The following TTLL4 variants were observed in gnomAD, a reference collection of about 807,000 sequenced individuals.
TTLL4 encodes the protein tubulin tyrosine ligase like 4.
TTLL4 carries 85 observed loss-of-function variants against 122.7 expected under a neutral mutation model. The ratio of observed to expected loss-of-function variants is 0.69; its 90% CI spans 0.58 to 0.83. TTLL4 has a LOEUF of 0.83. Ranked by LOEUF, TTLL4 falls within the 40% of genes least tolerant of loss-of-function variation. TTLL4 has a pLI of 0.00. For missense variants in TTLL4, 1,363 were observed against 1,488.6 expected (o/e 0.92, Z 1.39); for synonymous variants, 553 against 563.0 (o/e 0.98, Z 0.25).
rs1037384894 is a variant in TTLL4, at chr2:218,716,650, G to A, written c.-178+5613G>A. Among the ~76,000 whole-genome samples the A allele has an allele frequency of 3.3e-5, 5 of 152,160 alleles. No individual in the cohort carries two copies. In the South Asian group the frequency reaches 6.2e-4, roughly 19 times the overall value. ...TAAAAATACAAAAAATTAGCCGGGC[G>A]TGGTAGTAAGTGCCTGTAGTCCCAG... On this transcript the variant is annotated intron_variant, in intron 1 of 19. Transcript: ENST00000392102.
chr2:218,741,408 A>G lies in TTLL4; in HGVS notation c.1661+824A>G, dbSNP rs79979853. Among the ~76,000 whole-genome samples the G allele has an allele frequency of 1.1e-3, 165 of 152,232 alleles. 1 individual carries two copies. The East Asian group carries it at 0.016, about 14-fold the overall frequency. ...AGTCGGGTTGTTTTTCTTTGCATCAACCCTGCCTTAGATGAAGCTAAGAAG... is the reference window on the plus strand; with the variant it reads ...AGTCGGGTTGTTTTTCTTTGCATCAGCCCTGCCTTAGATGAAGCTAAGAAG... On this transcript the variant is annotated intron_variant, in intron 5 of 19. Transcript: ENST00000392102.
chr2:218,737,835 G>A lies in TTLL4; in HGVS notation c.159G>A (p.Trp53Ter). Residue 53 changes from tryptophan (W) to a stop codon, truncating the protein, a stop_gained, in exon 3 of 20, where the codon TGG becomes TGA. Coordinates refer to ENST00000392102, the MANE Select transcript of TTLL4 (RefSeq NM_014640.5). LOFTEE classifies it high-confidence loss of function. ...CCCATCAGCAAGTGAAGCCAATCTG[G>A]AAGCTGGAAAAGAAGCAAGTGGAGA... ...PQAHQQVKPI[W>*]KLEKKQVETL... is the part of the protein sequence containing the mutation. The A allele has an allele frequency of 1.9e-6, 3 of 1,614,256 alleles. No homozygotes were observed. Among genetic ancestry groups the A allele is most frequent in the Non-Finnish European group, 2.5e-6 (3 of 1,180,056 alleles).
At position 218,752,778 on chromosome 2, in the gene TTLL4, G is replaced by A; in HGVS notation, c.2992G>A (p.Val998Met). 1 of 1,614,186 alleles carries A rather than the reference G, an allele frequency of 6.2e-7. No individual in the cohort carries two copies. The highest frequency in any genetic ancestry group is 2.2e-5 in the East Asian group (1 of 44,878). Residue 998 changes from valine (V) to methionine (M), a missense_variant, in exon 17 of 20, where the codon GTG becomes ATG. Physicochemically the swap from Val to Met is conservative, Grantham distance 21. This residue lies in a region of TTLL4 where 596 missense variants were observed against 655.8 expected (regional missense o/e 0.91). Transcript: ENST00000392102. ...TGGACCACAGGACTTCTATGCATCTGTGCTGGATGTCCTGACACCAGATGA... is the reference window on the plus strand; with the variant it reads ...TGGACCACAGGACTTCTATGCATCTATGCTGGATGTCCTGACACCAGATGA... ...KIPDQDFYASVLDVLTPDDVR... is the reference protein window; with the variant it reads ...KIPDQDFYASMLDVLTPDDVR...
chr2:218,737,431 T>C (rs1304043413), intron 2 of TTLL4, 148 bp from the exon 3 acceptor site: 3 of 442,358 alleles, frequency 6.8e-6, no homozygotes, highest in Non-Finnish European at 1.2e-5. Context: ...GGAAATCTGG[T>C]GTTCTTCTCC....
At chr2:218,753,724 CT>C (rs769310914) in intron 19 of TTLL4, 55 bp downstream of exon 19, 91 of 1,572,962 alleles carry the variant, frequency 5.8e-5, no homozygotes, top group Non-Finnish European at 7.5e-5. Context: ...GTAGAGTTTT[CT>C]TCCTTCCCCT....
intron 2 of TTLL4, among the ~76,000 whole-genome samples, chr2:218,730,513 A>C (rs1367087113): frequency 6.6e-6 from 1 of 151,508 alleles, no homozygotes; most frequent in East Asian, 1.9e-4. Flanking sequence ...GTCTCAAAGT[A>C]AATAAATAAA....
rs1303739811 is a variant in TTLL4 at position 218,738,697 on chromosome 2, A to G, written c.1021A>G (p.Arg341Gly). ...GGAGATTCGGTTCACTGAGGCCGTG[A>G]GGAAATTGACCGCAAGAGGCTTTGA... ...TKEIRFTEAVRKLTARGFEKM... is the reference protein window; with the variant it reads ...TKEIRFTEAVGKLTARGFEKM... The change falls in exon 3 of 20, where the codon AGG becomes GGG. Residue 341 changes from arginine (R) to glycine (G), a missense_variant. Physicochemically the swap from Arg to Gly is moderately radical, Grantham distance 125. Coordinates refer to ENST00000392102, the MANE Select transcript of TTLL4 (RefSeq NM_014640.5). 1 of 1,614,206 alleles carries G rather than the reference A, an allele frequency of 6.2e-7. No homozygotes were observed. The highest frequency in any genetic ancestry group is 1.7e-5 in the Admixed American group (1 of 60,014).
chr2:218,735,480 G>A (rs1017025565), intron 2 of TTLL4, among the ~76,000 whole-genome samples: 12 of 152,044 alleles, frequency 7.9e-5, no homozygotes, highest in African/African-American at 2.9e-4. Context: ...AGGCTGAAGG[G>A]GGAGGATCAT....
chr2:218,722,356 CT>C (rs11380889), intron 1 of TTLL4, among the ~76,000 whole-genome samples: 74 of 146,898 alleles, frequency 5.0e-4, no homozygotes, highest in Admixed American at 6.1e-4. Flanking sequence ...CTTTGTTCAT[CT>C]TTTTTTTTTT....
intron 16 of TTLL4, 40 bp downstream of exon 16, chr2:218,751,846 TC>T: frequency 1.3e-6 from 2 of 1,526,546 alleles, no homozygotes; most frequent in South Asian, 1.2e-5. Context: ...GCAGAAAACT[TC>T]CCTGGTCAAA....
downstream of TTLL4, among the ~76,000 whole-genome samples, chr2:218,757,215 C>G (rs928594421): frequency 6.6e-6 from 1 of 152,166 alleles, no homozygotes; most frequent in Non-Finnish European, 1.5e-5. Context: ...AAACGTAAAA[C>G]CCTCTCCTCC....
At chr2:218,748,677 A>T (rs954142614) in intron 12 of TTLL4, 159 bp from the exon 13 acceptor site, 1 of 542,488 alleles carries the variant, frequency 1.8e-6, no homozygotes. Context: ...AAAAAAAAAG[A>T]ATTGGTCTAT....
chr2:218,738,844 C>G lies in TTLL4; in HGVS notation c.1168C>G (p.Gln390Glu). ...TCCTGCGGTAAATCAGCAGTTTCCT[C>G]AGGAGGATGCTGGATCGGTCAGGCG... ...KPPAVNQQFPQEDAGSVRRVL... is the reference protein window; with the variant it reads ...KPPAVNQQFPEEDAGSVRRVL... Residue 390 changes from glutamine (Q) to glutamate (E), a missense_variant, in exon 3 of 20, where the codon CAG becomes GAG. Transcript: ENST00000392102. 6.2e-7 allele frequency: 1 copy of G among 1,614,224 alleles called. No individual in the cohort carries two copies. The highest frequency in any genetic ancestry group is 8.5e-7 in the Non-Finnish European group (1 of 1,180,048).
In TTLL4 at chr2:218,753,165, G is replaced by C; in HGVS notation, c.3238G>C (p.Val1080Leu). 1.2e-6 allele frequency: 2 copies of C among 1,614,204 alleles called. No individual in the cohort carries two copies. Among genetic ancestry groups the C allele is most frequent in the Non-Finnish European group, 1.7e-6 (2 of 1,180,034 alleles). ...CTACAAAGGGTTCCACATGGGAGTT[G>C]TCTCTGATTCTGCTCCAGTGGTGAG... ...WCYKGFHMGV[V>L]SDSAPVWSLP... Residue 1080 changes from valine (V) to leucine (L), a missense_variant, in exon 18 of 20, where the codon GTC becomes CTC. This residue lies in a region of TTLL4 where 596 missense variants were observed against 655.8 expected (regional missense o/e 0.91). Coordinates refer to ENST00000392102, the MANE Select transcript of TTLL4 (RefSeq NM_014640.5).
intron 13 of TTLL4, 76 bp downstream of exon 13, chr2:218,749,010 C>A: frequency 1.3e-6 from 2 of 1,500,928 alleles, no homozygotes; most frequent in Non-Finnish European, 1.8e-6. Flanking sequence ...CACTGCTGTG[C>A]TCTGGACTTT....
chr2:218,719,766 A>G (rs1270549976), intron 1 of TTLL4, among the ~76,000 whole-genome samples: 1 of 152,200 alleles, frequency 6.6e-6, no homozygotes, highest in African/African-American at 2.4e-5. Flanking sequence ...GGGCCACCAC[A>G]GTGTTTAGTA....
intron 16 of TTLL4, 31 bp from the exon 17 acceptor site, chr2:218,752,732 A>G: frequency 6.2e-7 from 1 of 1,612,038 alleles, no homozygotes; most frequent in Non-Finnish European, 8.5e-7. Flanking sequence ...ACTCTCTCAC[A>G]CCCTTTTTCT....
chr2:218,714,566 G>A (rs1027285740), intron 1 of TTLL4, among the ~76,000 whole-genome samples: 2 of 151,974 alleles, frequency 1.3e-5, no homozygotes, highest in Non-Finnish European at 2.9e-5. Flanking sequence ...GAGAGTGCTC[G>A]TTTCTCTTAG....
intron 12 of TTLL4, 161 bp downstream of exon 12, chr2:218,748,388 C>T: frequency 8.5e-7 from 1 of 1,180,854 alleles, no homozygotes; most frequent in Non-Finnish European, 1.1e-6. Context: ...GATGTGGTGG[C>T]TCACGCCTGT....
Sources: gnomAD v4.1 joint callset for allele counts (sites outside exome capture counted in the v4.1 genomes callset) on GRCh38, gnomAD v4.1.1 for gene constraint, gnomAD v4.1.1 regional missense constraint, MANE v1.5 for transcripts, NCBI Gene and HGNC (gene_info 2026-07-23, HGNC 2026-07-21) for gene names.